PRKCB: variants seen among roughly 807,000 people sequenced by gnomAD.
PRKCB encodes protein kinase C beta type.
A neutral mutation model predicts 81.5 loss-of-function variants in PRKCB; 13 were observed. That is an observed-to-expected ratio of 0.16 (90% CI 0.10 to 0.25). The LOEUF is 0.25. Among genes scored for constraint, PRKCB ranks in the 10% least tolerant of loss-of-function variants. The probability of loss-of-function intolerance (pLI) is 1.00; values close to 1 mark genes in which losing one functional copy is unlikely to be tolerated. For missense variants in PRKCB, 509 were observed against 875.7 expected, an observed-to-expected ratio of 0.58 and a Z score of 5.29; for synonymous variants, 335 against 321.4, an observed-to-expected ratio of 1.04 and a Z score of -0.45.
At chr16:24,150,884 G>T (rs549253285) in intron 9 of PRKCB, among the ~76,000 whole-genome samples, 56 of 152,174 alleles carry the variant, frequency 3.7e-4, no homozygotes, top group Middle Eastern at 3.2e-3. Context: ...ATGCATGCCC[G>T]TTCTGTTTTC....
chr16:24,006,839 G>C, intron 3 of PRKCB, among the ~76,000 whole-genome samples: 1 of 137,638 alleles, frequency 7.3e-6, no homozygotes, highest in East Asian at 1.9e-4. Context: ...GGGAGCAGGG[G>C]GTGGGGAGGG....
In PRKCB at chr16:24,154,764, T is replaced by C; in HGVS notation, c.1146T>C (p.Asp382=). The change falls in exon 10 of 17, where the codon GAT becomes GAC. Residue 382 remains aspartate (D), a synonymous_variant. Coordinates refer to ENST00000643927, the MANE Select transcript of PRKCB (RefSeq NM_002738.7). The part of the protein sequence containing the change: ...ILKKDVVIQD[D]DVECTMVEKR... ...AGAAGGACGTTGTGATCCAAGATGA[T>C]GACGTGGAGTGCACTATGGTGGAGA... 1 of 1,614,200 alleles carries C rather than the reference T, an allele frequency of 6.2e-7. No individual in the cohort carries two copies. The highest frequency in any genetic ancestry group is 1.1e-5 in the South Asian group (1 of 91,084).
chr16:23,932,901 T>C (rs1396086883), intron 2 of PRKCB, among the ~76,000 whole-genome samples: 3 of 152,146 alleles, frequency 2.0e-5, no homozygotes, highest in Non-Finnish European at 4.4e-5. Flanking sequence ...ATGGAAAACT[T>C]TGTCATGAAG....
chr16:23,988,469 C>T (rs1168861223), intron 2 of PRKCB, 39 bp from the exon 3 acceptor site: 1 of 1,563,502 alleles, frequency 6.4e-7, no homozygotes, highest in Admixed American at 1.7e-5. Flanking sequence ...CTCCGCTTTC[C>T]TTCTTCCCTT....
chr16:24,037,814 C>T (rs1965642676), intron 5 of PRKCB, among the ~76,000 whole-genome samples: 1 of 150,398 alleles, frequency 6.6e-6, no homozygotes, highest in Admixed American at 6.7e-5. Context: ...TTTGCTGTGG[C>T]TGCCATAACA....
At chr16:23,895,881 T>C (rs1369266117) in intron 2 of PRKCB, among the ~76,000 whole-genome samples, 1 of 152,246 alleles carries the variant, frequency 6.6e-6, no homozygotes, top group Non-Finnish European at 1.5e-5. Flanking sequence ...CTTTGTCCTA[T>C]GTAATATTTT....
At chr16:24,013,481 A>G (rs1286999980) in intron 3 of PRKCB, among the ~76,000 whole-genome samples, 1 of 152,216 alleles carries the variant, frequency 6.6e-6, no homozygotes, top group Non-Finnish European at 1.5e-5. Flanking sequence ...ATAAAATAGG[A>G]ATAGTCAAAA....
At chr16:24,072,684 C>G (rs1966126280) in intron 5 of PRKCB, among the ~76,000 whole-genome samples, 1 of 151,954 alleles carries the variant, frequency 6.6e-6, no homozygotes, top group African/African-American at 2.4e-5. Context: ...TGGGTTCAAG[C>G]AATTCTCCTG....
chr16:24,154,941 A>C, intron 10 of PRKCB, 84 bp downstream of exon 10: 2 of 1,442,358 alleles, frequency 1.4e-6, no homozygotes, highest in South Asian at 1.3e-5. Flanking sequence ...CACCCAGCAC[A>C]GAGATACCTG....
At chr16:24,123,730 G>C (rs1966827976) in intron 8 of PRKCB, 105 bp from the exon 9 acceptor site, 1 of 1,204,556 alleles carries the variant, frequency 8.3e-7, no homozygotes, top group African/African-American at 1.5e-5. Flanking sequence ...ATGGGGACAG[G>C]GTGCCGGAGC....
In PRKCB at chr16:23,836,108, G is replaced by A. The variant is rs1222093031; in HGVS notation, c.-68G>A. 1 of 1,094,036 alleles carries A rather than the reference G, an allele frequency of 9.1e-7. No homozygotes were observed. The highest frequency in any genetic ancestry group is 1.1e-6 in the Non-Finnish European group (1 of 892,888). The allele number at this position is 1,094,036 out of a possible 1,614,324, so 67.8% of individuals were successfully genotyped here. On this transcript the variant is annotated 5_prime_UTR_variant, in exon 1 of 17. Transcript: ENST00000643927. ...CGGCCGCCGCCTCCCGCGCCTCCCCGGCCCGCAGCCCGCGGTCCCGCGGCC... is the reference window on the plus strand; with the variant it reads ...CGGCCGCCGCCTCCCGCGCCTCCCCAGCCCGCAGCCCGCGGTCCCGCGGCC...
At chr16:23,936,505 C>T (rs1328468682) in intron 2 of PRKCB, among the ~76,000 whole-genome samples, 1 of 151,928 alleles carries the variant, frequency 6.6e-6, no homozygotes, top group African/African-American at 2.4e-5. Context: ...CTCTGCCTCC[C>T]AGGCTTGAGT....
chr16:23,838,389 AT>A (rs370330540), intron 2 of PRKCB, among the ~76,000 whole-genome samples: 18 of 152,276 alleles, frequency 1.2e-4, no homozygotes, highest in African/African-American at 3.9e-4. Context: ...CACTTCACCC[AT>A]TTCTGGCCCC....
intron 16 of PRKCB, among the ~76,000 whole-genome samples, chr16:24,200,854 C>T (rs972526427): frequency 2.6e-5 from 4 of 152,078 alleles, no homozygotes; most frequent in Non-Finnish European, 4.4e-5. Context: ...TGAACTTTGG[C>T]GGGGCAAGTC....
In PRKCB at chr16:24,094,233, A is replaced by T. The variant is rs1466408302; in HGVS notation, c.757A>T (p.Asn253Tyr). 1 of 1,614,092 alleles carries T rather than the reference A, an allele frequency of 6.2e-7. No individual in the cohort carries two copies. Among genetic ancestry groups the T allele is most frequent in the Non-Finnish European group, 8.5e-7 (1 of 1,180,040 alleles). The change falls in exon 7 of 17, where the codon AAT becomes TAT. Residue 253 changes from asparagine to tyrosine, a missense_variant. Asn to Tyr is a moderately radical substitution (Grantham distance 143, BLOSUM62 -2). Around this residue, in one of 6 missense-constraint regions of PRKCB, gnomAD observed 184 missense variants for 362.9 expected, o/e 0.51. Transcript: ENST00000643927. ...TTGGGATTGGGATTTGACCAGCAGG[A>T]ATGACTTCATGGGATCTTTGTCCTT... The part of the protein sequence containing the change: ...EIWDWDLTSR[N>Y]DFMGSLSFGI...
intron 3 of PRKCB, among the ~76,000 whole-genome samples, chr16:23,998,908 G>A (rs898471915): frequency 6.6e-6 from 1 of 152,208 alleles, no homozygotes; most frequent in Non-Finnish European, 1.5e-5. Context: ...ATGAAGGAGT[G>A]CAGCCATTCA....
intron 2 of PRKCB, among the ~76,000 whole-genome samples, chr16:23,976,678 G>C (rs1309238910): frequency 6.6e-6 from 1 of 152,208 alleles, no homozygotes; most frequent in Non-Finnish European, 1.5e-5. Flanking sequence ...GCTGGATATG[G>C]CTGGTGAGTG....
intron 8 of PRKCB, among the ~76,000 whole-genome samples, chr16:24,117,839 A>C (rs530964016): frequency 6.6e-6 from 1 of 152,218 alleles, no homozygotes; most frequent in Non-Finnish European, 1.5e-5. Flanking sequence ...CGCGGAATGC[A>C]TGCCTCAGAA....
chr16:23,848,717 TCTTGCTGTGGGAC>T (rs1327322453), intron 2 of PRKCB, among the ~76,000 whole-genome samples: 4 of 152,338 alleles, frequency 2.6e-5, no homozygotes, highest in Admixed American at 2.0e-4. Context: ...AATCTTGACT[TCTTGCTGTGGGAC>T]CTTAAGCAAG....
Sources: gnomAD v4.1 joint callset for allele counts (sites outside exome capture counted in the v4.1 genomes callset) on GRCh38, gnomAD v4.1.1 for gene constraint, gnomAD v4.1.1 regional missense constraint, MANE v1.5 for transcripts, NCBI Gene and HGNC (gene_info 2026-07-23, HGNC 2026-07-21) for gene names.